The following KIAA0586 variants were observed in gnomAD, a reference collection of about 807,000 sequenced individuals.
KIAA0586 encodes the protein KIAA0586, also known as protein TALPID3.
Under a neutral mutation model 169.8 loss-of-function variants are expected in KIAA0586, and 144 were observed. That is an observed-to-expected ratio of 0.85 (90% CI 0.74 to 0.97). The LOEUF is 0.97. KIAA0586 is among the 50% of genes least tolerant of loss of function. The probability of loss-of-function intolerance (pLI) is 0.00; values close to 1 mark genes in which losing one functional copy is unlikely to be tolerated. For synonymous variants in KIAA0586, 625 were observed against 612.4 expected (o/e 1.02, Z -0.30); for missense variants, 1,854 against 1,823.0 (o/e 1.02, Z -0.31).
chr14:58,488,019 C>G lies in KIAA0586; in HGVS notation c.3437C>G (p.Pro1146Arg). 6.2e-7 allele frequency: 1 copy of G among 1,610,430 alleles called. No individual in the cohort carries two copies. The highest frequency in any genetic ancestry group is 8.5e-7 in the Non-Finnish European group (1 of 1,178,406). The change falls in exon 23 of 31, where the codon CCA (proline) becomes CGA (arginine). Residue 1146 changes from proline to arginine, a missense_variant. Coordinates refer to ENST00000652326, the MANE Select transcript of KIAA0586 (RefSeq NM_001329943.3). ...ISIDKLKVSS[P>R]ELPKPWGDGD... ...ATTGATAAATTGAAGGTATCAAGCC[C>G]AGAGCTTCCCAAGCCATGGGGTGAT...
intron 29 of KIAA0586, among the ~76,000 whole-genome samples, chr14:58,513,157 G>A (rs973157614): frequency 2.6e-5 from 4 of 151,754 alleles, no homozygotes; most frequent in African/African-American, 9.7e-5. Flanking sequence ...TTGTCTCTAT[G>A]TTTCTACAAG....
chr14:58,458,939 C>T (rs1038406392), intron 12 of KIAA0586, among the ~76,000 whole-genome samples: 18 of 152,264 alleles, frequency 1.2e-4, no homozygotes, highest in African/African-American at 3.1e-4. Context: ...ACTAAGTTTA[C>T]GGAAGTCAGT....
chr14:58,429,086 GT>G (rs1199905150), intron 1 of KIAA0586, among the ~76,000 whole-genome samples: 1 of 152,108 alleles, frequency 6.6e-6, no homozygotes, highest in Non-Finnish European at 1.5e-5. Context: ...TCTACCCATA[GT>G]TTGTCCACAT....
chr14:58,540,112 C>T lies in KIAA0586; in HGVS notation c.4471C>T (p.Pro1491Ser). The change falls in exon 30 of 31, where the codon CCG becomes TCG. Residue 1491 changes from proline to serine, a missense_variant. Coordinates refer to ENST00000652326, the MANE Select transcript of KIAA0586 (RefSeq NM_001329943.3). ...DMDRTQIELN[P>S]YLTCVFSGGK... The stretch of plus-strand genomic sequence containing the variant: ...GGATCGGACACAAATTGAGCTTAAT[C>T]CGTACCTCACATGTGTATTTTCAGG... 1 of 1,559,234 alleles carries T rather than the reference C, an allele frequency of 6.4e-7. No homozygotes were observed. Among genetic ancestry groups the T allele is most frequent in the Non-Finnish European group, 8.7e-7 (1 of 1,147,676 alleles).
chr14:58,510,195 C>A (rs1003646375), intron 28 of KIAA0586, among the ~76,000 whole-genome samples: 5 of 152,046 alleles, frequency 3.3e-5, no homozygotes, highest in Non-Finnish European at 7.4e-5. Context: ...ATGGTGAAAC[C>A]CCATCTCTAC....
At chr14:58,473,449 C>G (rs548820360) in intron 18 of KIAA0586, among the ~76,000 whole-genome samples, 41 of 152,116 alleles carry the variant, frequency 2.7e-4, no homozygotes, top group African/African-American at 9.9e-4. Context: ...CCAGAAATAA[C>G]TCTATTGGTT....
intron 9 of KIAA0586, among the ~76,000 whole-genome samples, chr14:58,454,664 A>G (rs563302913): frequency 5.9e-5 from 9 of 152,140 alleles, no homozygotes; most frequent in African/African-American, 2.2e-4. Flanking sequence ...TTTCGTTGTC[A>G]TTTAAACAGA....
chr14:58,542,186 A>T (rs1421118821), intron 30 of KIAA0586, among the ~76,000 whole-genome samples: 1 of 152,186 alleles, frequency 6.6e-6, no homozygotes, highest in Non-Finnish European at 1.5e-5. Context: ...TACTTTAAAT[A>T]AAAAGTTTTC....
chr14:58,529,666 C>A lies in KIAA0586; in HGVS notation c.4430-10405C>A, dbSNP rs1447541110. ...CAGTAAAATTCAACGCCCCTTCATG[C>A]TAGAAACTCTCAATAAACTATCTAT... On this transcript the variant is annotated intron_variant, in intron 29 of 30. Coordinates refer to ENST00000652326, the MANE Select transcript of KIAA0586 (RefSeq NM_001329943.3). 6.6e-5 allele frequency among the ~76,000 whole-genome samples: 10 copies of A among 152,262 alleles called. No homozygotes were observed. In the East Asian group the frequency reaches 1.9e-3, roughly 29 times the overall value.
chr14:58,430,641 C>A lies in KIAA0586; in HGVS notation c.271-7C>A. On this transcript the variant is annotated splice_region_variant and splice_polypyrimidine_tract_variant and intron_variant, in intron 2 of 30. Coordinates refer to ENST00000652326, the MANE Select transcript of KIAA0586 (RefSeq NM_001329943.3). ...TTTAGCCTATTTCTTCCTTTCATATCCCAAAGGATTTTTCTAAAGACGTTG... is the reference window on the plus strand; with the variant it reads ...TTTAGCCTATTTCTTCCTTTCATATACCAAAGGATTTTTCTAAAGACGTTG... The A allele has an allele frequency of 6.4e-7, 1 of 1,571,794 alleles. No homozygotes were observed. Among genetic ancestry groups the A allele is most frequent in the Non-Finnish European group, 8.7e-7 (1 of 1,150,786 alleles).
rs201073786 is a variant in KIAA0586 at position 58,468,033 on chromosome 14, ACT to A, written c.2442+114_2442+115del. Reference sequence around the variant, plus strand: ...CATAAAAATATTGCTTTTGATCATGACTCTTTTTTTTAAATTTATTTTTATTT... The same window carrying A: ...CATAAAAATATTGCTTTTGATCATGACTTTTTTTTAAATTTATTTTTATTT... On this transcript the variant is annotated intron_variant, in intron 16 of 30. Coordinates refer to ENST00000652326, the MANE Select transcript of KIAA0586 (RefSeq NM_001329943.3). 489 of 638,660 alleles carry A rather than the reference ACT, an allele frequency of 7.7e-4. 2 individuals are homozygous for A. The East Asian group carries it at 0.011, about 15-fold the overall frequency. 39.6% of individuals were successfully genotyped at this position (638,660 alleles called of 1,614,324 possible).
intron 14 of KIAA0586, chr14:58,463,937 G>A: frequency 2.5e-6 from 1 of 400,568 alleles, no homozygotes; most frequent in Non-Finnish European, 5.0e-6. Flanking sequence ...GGGCACTGGG[G>A]AGATGGCCAA....
At chr14:58,507,255 T>TACGTATGATTTATATATAAATCATAC (rs56229529) in intron 27 of KIAA0586, among the ~76,000 whole-genome samples, 8 of 143,918 alleles carry the variant, frequency 5.6e-5, no homozygotes, top group African/African-American at 2.0e-4. Flanking sequence ...ATATAAATCA[T>TACGTATGATTTATATATAAATCATAC]GTATGATTTA....
At chr14:58,475,240 C>G (rs2041518191) in intron 19 of KIAA0586, among the ~76,000 whole-genome samples, 1 of 152,184 alleles carries the variant, frequency 6.6e-6, no homozygotes, top group African/African-American at 2.4e-5. Context: ...CCTGTCAGAT[C>G]AGCTGTGGCA....
At chr14:58,484,496 C>G (rs2042233756) in intron 21 of KIAA0586, among the ~76,000 whole-genome samples, 1 of 151,978 alleles carries the variant, frequency 6.6e-6, no homozygotes, top group Admixed American at 6.6e-5. Context: ...ATGGACAGAG[C>G]TTAATCTAGT....
At chr14:58,496,414 A>G (rs970321183) in intron 26 of KIAA0586, among the ~76,000 whole-genome samples, 5 of 152,248 alleles carry the variant, frequency 3.3e-5, no homozygotes, top group African/African-American at 1.2e-4. Flanking sequence ...AAGTTACTGT[A>G]GACTGTCAGA....
chr14:58,511,940 A>T (rs978551556), intron 28 of KIAA0586, among the ~76,000 whole-genome samples: 1 of 152,212 alleles, frequency 6.6e-6, no homozygotes, highest in African/African-American at 2.4e-5. Context: ...ATGTGTGATT[A>T]CGAAGAGATT....
rs753806115 is a variant in KIAA0586 at position 58,467,930 on chromosome 14, AG to A, written c.2442+11del. On this transcript the variant is annotated intron_variant, in intron 16 of 30. Transcript: ENST00000652326. ...CCTCAGCTTACTGTGCAGGTATGCCAGGGTGCATGAGTAGAAAATTTTAAGG... is the reference window on the plus strand; with the variant it reads ...CCTCAGCTTACTGTGCAGGTATGCCAGGTGCATGAGTAGAAAATTTTAAGG... 40 of 1,570,066 alleles carry A rather than the reference AG, an allele frequency of 2.5e-5. No homozygotes were observed. Among genetic ancestry groups the A allele is most frequent in the African/African-American group, 6.9e-5 (5 of 72,678 alleles).
chr14:58,454,669 A>G (rs191949807), intron 9 of KIAA0586, among the ~76,000 whole-genome samples: 2 of 152,244 alleles, frequency 1.3e-5, no homozygotes, highest in Non-Finnish European at 2.9e-5. Context: ...TTGTCATTTA[A>G]ACAGACATTT....
Sources: allele counts gnomAD v4.1 joint callset (sites outside exome capture counted in the v4.1 genomes callset), GRCh38; gene constraint gnomAD v4.1.1; transcripts MANE v1.5; gene names NCBI Gene and HGNC (gene_info 2026-07-23, HGNC 2026-07-21).